Variants in DOK5 observed in about 807,000 individuals in gnomAD.
DOK5 encodes the protein downstream of tyrosine kinase 5.
In DOK5, 27 loss-of-function variants were observed where a neutral mutation model predicts 43.3. That is an observed-to-expected ratio of 0.62 (90% CI 0.46 to 0.86). The LOEUF (loss-of-function observed/expected upper bound fraction) is 0.86, where lower values mean the gene tolerates loss of function less well. DOK5 is among the 40% of genes least tolerant of loss of function. The pLI, the probability that DOK5 is intolerant of heterozygous loss-of-function variation, is 0.00. For missense variants in DOK5, 373 were observed against 392.9 expected (o/e 0.95, Z 0.43); for synonymous variants, 146 against 140.1 (o/e 1.04, Z -0.30).
chr20:54,576,609 G>A (rs1985460444), intron 2 of DOK5, among the ~76,000 whole-genome samples: 1 of 152,200 alleles, frequency 6.6e-6, no homozygotes, highest in Admixed American at 6.5e-5. Context: ...TCACTGAACT[G>A]CGGTCTTGAG....
chr20:54,496,922 T>C (rs1310191210), intron 1 of DOK5, among the ~76,000 whole-genome samples: 1 of 152,164 alleles, frequency 6.6e-6, no homozygotes, highest in African/African-American at 2.4e-5. Flanking sequence ...TCTGGCCTCT[T>C]AGTAACCACA....
chr20:54,648,016 G>T (rs760977760), intron 7 of DOK5, among the ~76,000 whole-genome samples: 3 of 152,144 alleles, frequency 2.0e-5, no homozygotes, highest in Admixed American at 6.5e-5. Context: ...CCAGCTTTCC[G>T]CTGGGACCTA....
chr20:54,538,520 C>T (rs1323320939), intron 1 of DOK5, among the ~76,000 whole-genome samples: 2 of 152,178 alleles, frequency 1.3e-5, no homozygotes, highest in Non-Finnish European at 2.9e-5. Context: ...CTTGGGACAT[C>T]AGGAGGAAAG....
chr20:54,508,183 C>A (rs1982883208), intron 1 of DOK5, among the ~76,000 whole-genome samples: 1 of 152,010 alleles, frequency 6.6e-6, no homozygotes, highest in African/African-American at 2.4e-5. Context: ...TTATACAATG[C>A]ATGCAATTAA....
At chr20:54,568,983 CAAAAA>C (rs10542523) in intron 2 of DOK5, among the ~76,000 whole-genome samples, 1 of 96,232 alleles carries the variant, frequency 1.0e-5, no homozygotes, top group Non-Finnish European at 2.1e-5. Flanking sequence ...GACTAAAACG[CAAAAA>C]AAAAAAAAAA....
chr20:54,636,261 C>A (rs1323853474), intron 6 of DOK5, among the ~76,000 whole-genome samples: 21 of 152,148 alleles, frequency 1.4e-4, no homozygotes. Flanking sequence ...ATGATAATAG[C>A]CCTTCCCTGA....
At chr20:54,551,061 G>T (rs1028994033) in intron 1 of DOK5, among the ~76,000 whole-genome samples, 8 of 152,058 alleles carry the variant, frequency 5.3e-5, no homozygotes, top group Admixed American at 3.3e-4. Flanking sequence ...TCTGCATTTG[G>T]TGGTGGTGGT....
intron 2 of DOK5, among the ~76,000 whole-genome samples, chr20:54,566,941 C>A (rs571216213): frequency 6.6e-6 from 1 of 152,250 alleles, no homozygotes; most frequent in Admixed American, 6.5e-5. Context: ...AATTTGCATT[C>A]CCTGGTGGCT....
chr20:54,496,617 T>A (rs1310226292), intron 1 of DOK5, among the ~76,000 whole-genome samples: 2 of 151,678 alleles, frequency 1.3e-5, no homozygotes, highest in African/African-American at 4.8e-5. Flanking sequence ...AATACAAAAA[T>A]TAGCTGGGCG....
chr20:54,540,141 A>G (rs1212205906), intron 1 of DOK5, among the ~76,000 whole-genome samples: 1 of 151,636 alleles, frequency 6.6e-6, no homozygotes, highest in Admixed American at 6.6e-5. Context: ...CAGGGAGATC[A>G]TTGCTTTTTT....
chr20:54,580,187 C>G (rs1418263921), intron 2 of DOK5, among the ~76,000 whole-genome samples: 1 of 151,900 alleles, frequency 6.6e-6, no homozygotes, highest in Admixed American at 6.6e-5. Context: ...AACAAGCAAC[C>G]CCATCAAAAA....
At chr20:54,619,424 C>A (rs1178375445) in intron 6 of DOK5, among the ~76,000 whole-genome samples, 1 of 152,142 alleles carries the variant, frequency 6.6e-6, no homozygotes, top group Admixed American at 6.5e-5. Flanking sequence ...AATTTTGGAA[C>A]AAGGCGTGGC....
At chr20:54,540,442 A>G (rs1297194562) in intron 1 of DOK5, among the ~76,000 whole-genome samples, 1 of 152,194 alleles carries the variant, frequency 6.6e-6, no homozygotes, top group East Asian at 1.9e-4. Flanking sequence ...CATGCAAATC[A>G]CCACCTAGCT....
At chr20:54,638,854 G>T (rs1978973827) in intron 6 of DOK5, among the ~76,000 whole-genome samples, 1 of 144,240 alleles carries the variant, frequency 6.9e-6, no homozygotes, top group African/African-American at 2.6e-5. Context: ...GCTAACTTTT[G>T]TATTTTTAGT....
At chr20:54,634,122 T>G (rs193276482) in intron 6 of DOK5, among the ~76,000 whole-genome samples, 8 of 152,142 alleles carry the variant, frequency 5.3e-5, no homozygotes, top group Non-Finnish European at 1.2e-4. Flanking sequence ...TGGCAGACAG[T>G]TGTTTTTCTT....
intron 6 of DOK5, among the ~76,000 whole-genome samples, chr20:54,634,221 G>C (rs998446643): frequency 2.0e-5 from 3 of 151,758 alleles, no homozygotes; most frequent in African/African-American, 7.3e-5. Flanking sequence ...ACCATTATGA[G>C]GAAAGGGCCT....
intron 1 of DOK5, 149 bp from the exon 2 acceptor site, chr20:54,554,784 A>G (rs897867151): frequency 3.2e-5 from 19 of 589,782 alleles, no homozygotes; most frequent in Middle Eastern, 2.9e-4. Context: ...TGTGGAAACA[A>G]TTTTGATTTT....
chr20:54,630,029 C>T (rs1054065689), intron 6 of DOK5, among the ~76,000 whole-genome samples: 6 of 152,104 alleles, frequency 3.9e-5, no homozygotes, highest in Middle Eastern at 6.3e-3. Context: ...GGGAGAGTTG[C>T]GTAGTCATTG....
At chr20:54,551,914 A>G (rs1466354741) in intron 1 of DOK5, among the ~76,000 whole-genome samples, 2 of 152,058 alleles carry the variant, frequency 1.3e-5, no homozygotes, top group South Asian at 2.1e-4. Flanking sequence ...TGCAGCCTCT[A>G]CCTCCTGGGT....
Sources: allele counts gnomAD v4.1 joint callset (sites outside exome capture counted in the v4.1 genomes callset), GRCh38; gene constraint gnomAD v4.1.1; transcripts MANE v1.5; gene names NCBI Gene and HGNC (gene_info 2026-07-23, HGNC 2026-07-21).